CIDEC: variants seen among roughly 807,000 people sequenced by gnomAD.
CIDEC encodes the protein cell death inducing DFFA like effector c.
CIDEC carries 11 observed loss-of-function variants against 21.9 expected under a neutral mutation model. That is an observed-to-expected ratio of 0.50 (90% CI 0.32 to 0.83). CIDEC has a LOEUF of 0.83. CIDEC is among the 40% of genes least tolerant of loss of function. CIDEC has a pLI of 0.04. For missense variants in CIDEC, 302 were observed against 302.3 expected, an observed-to-expected ratio of 1.00 and a Z score of 0.01; for synonymous variants, 127 against 124.9, an observed-to-expected ratio of 1.02 and a Z score of -0.11.
At chr3:9,872,765 A>G (rs2082365987) in intron 4 of CIDEC, among the ~76,000 whole-genome samples, 1 of 152,082 alleles carries the variant, frequency 6.6e-6, no homozygotes, top group Admixed American at 6.6e-5. Flanking sequence ...AGTCAGGTGG[A>G]TCACCTGAGG....
In CIDEC at chr3:9,866,957, C is replaced by A. The variant is rs1278726177; in HGVS notation, c.*177G>T. 1.4e-6 allele frequency: 1 copy of A among 740,344 alleles called. No homozygotes were observed. Among genetic ancestry groups the A allele is most frequent in the East Asian group, 2.6e-5 (1 of 37,960 alleles). The allele number at this position is 740,344 out of a possible 1,614,324, so 45.9% of individuals were successfully genotyped here. ...GATCAGGCCAGGAGCTTGAGGTTCT[C>A]CTTTGGCCAACCCACCCCAGGTTTC... On this transcript the variant is annotated 3_prime_UTR_variant, in exon 7 of 7. Transcript: ENST00000336832.
At chr3:9,878,663 T>C in intron 2 of CIDEC, 152 bp from the exon 3 acceptor site, 2 of 1,324,934 alleles carry the variant, frequency 1.5e-6, no homozygotes, top group Non-Finnish European at 2.1e-6. Context: ...GCCCTTCTCC[T>C]GTCCGGCCCC....
chr3:9,872,861 C>T (rs1288591712), intron 4 of CIDEC, among the ~76,000 whole-genome samples: 4 of 152,016 alleles, frequency 2.6e-5, no homozygotes, highest in Non-Finnish European at 5.9e-5. Flanking sequence ...TGGTGGTGCG[C>T]GCCTGTAGTC....
chr3:9,874,554 TAA>T (rs891208640), intron 4 of CIDEC, among the ~76,000 whole-genome samples: 2 of 132,458 alleles, frequency 1.5e-5, no homozygotes, highest in Non-Finnish European at 3.3e-5. Flanking sequence ...ATAATAATAA[TAA>T]GTGAATACAG....
intron 6 of CIDEC, 33 bp from the exon 7 acceptor site, chr3:9,867,329 C>T: frequency 1.9e-6 from 3 of 1,612,760 alleles, no homozygotes; most frequent in Non-Finnish European, 2.5e-6. Context: ...CAAGTCAAAA[C>T]CACGAAGTAG....
chr3:9,873,819 T>A (rs1559250899), intron 4 of CIDEC, among the ~76,000 whole-genome samples: 1 of 152,192 alleles, frequency 6.6e-6, no homozygotes, highest in Non-Finnish European at 1.5e-5. Context: ...TACAACCACA[T>A]CATTAGTTAT....
In CIDEC at chr3:9,877,216, A is replaced by G. The variant is rs754130497; in HGVS notation, c.57T>C (p.His19=). The G allele has an allele frequency of 2.1e-5, 32 of 1,550,100 alleles. No homozygotes were observed. Among genetic ancestry groups the G allele is most frequent in the Non-Finnish European group, 2.8e-5 (32 of 1,147,038 alleles). ...SLLYPKSLSR[H]VSVRTSVVTQ... ...TCACCACAGAGGTACGCACTGACAC[A>G]TGCCTGGGGCAGTTGAAGCATCAGG... is the stretch of plus-strand genomic sequence containing the variant. The change falls in exon 4 of 7, where the codon CAT becomes CAC. Residue 19 remains histidine, a synonymous_variant. Transcript: ENST00000336832.
intron 4 of CIDEC, among the ~76,000 whole-genome samples, chr3:9,872,501 C>T (rs1389274633): frequency 6.6e-6 from 1 of 152,034 alleles, no homozygotes; most frequent in East Asian, 1.9e-4. Flanking sequence ...GTTTATTGGC[C>T]ACTGTGTTAT....
intron 3 of CIDEC, among the ~76,000 whole-genome samples, chr3:9,877,630 A>G (rs1053052625): frequency 6.6e-6 from 1 of 152,206 alleles, no homozygotes; most frequent in Non-Finnish European, 1.5e-5. Flanking sequence ...ACTGCACTCC[A>G]GCCTGGGCAA....
At chr3:9,879,478 C>CT (rs1490541618) in intron 1 of CIDEC, among the ~76,000 whole-genome samples, 1 of 152,016 alleles carries the variant, frequency 6.6e-6, no homozygotes, top group Non-Finnish European at 1.5e-5. Flanking sequence ...GGCACAGGAG[C>CT]TGTATTTTTT....
chr3:9,875,596 C>A (rs1279354529), intron 4 of CIDEC, among the ~76,000 whole-genome samples: 2 of 152,164 alleles, frequency 1.3e-5, no homozygotes, highest in Non-Finnish European at 1.5e-5. Flanking sequence ...ATTGGGACAG[C>A]TGGCAATGCT....
Position 9,877,176 on chromosome 3 carries a change from A to G in CIDEC, c.97T>C (p.Ser33Pro), listed in dbSNP as rs760803919. ...RTSVVTQQLL[S>P]EPSPKAPRAR... is the part of the protein sequence containing the mutation. ...CTGGGGGCCTTGGGGCTGGGCTCCG[A>G]CAGCAGCTGCTGGGTCACCACAGAG... The change falls in exon 4 of 7, where the codon TCG becomes CCG. Residue 33 changes from serine (S) to proline (P), a missense_variant. Transcript: ENST00000336832. 3.7e-5 allele frequency: 58 copies of G among 1,551,040 alleles called. No individual in the cohort carries two copies. The highest frequency in any genetic ancestry group is 2.6e-6 in the Non-Finnish European group (3 of 1,147,182).
At chr3:9,873,528 A>G (rs2082378808) in intron 4 of CIDEC, among the ~76,000 whole-genome samples, 1 of 152,170 alleles carries the variant, frequency 6.6e-6, no homozygotes, top group Non-Finnish European at 1.5e-5. Flanking sequence ...AGGCAGGAGA[A>G]TGGCGTGAAC....
At chr3:9,869,836 C>A (rs1480699125) in intron 6 of CIDEC, 46 bp downstream of exon 6, 2 of 1,567,420 alleles carry the variant, frequency 1.3e-6, no homozygotes, top group African/African-American at 2.7e-5. Context: ...GGGGCTCTCC[C>A]ATTGCCTGTA....
Position 9,877,138 on chromosome 3 carries a change from G to T in CIDEC, c.135C>A (p.Cys45Ter). The change falls in exon 4 of 7, where the codon TGC (cysteine) becomes TGA (stop). Residue 45 changes from cysteine to a stop codon, truncating the protein, a stop_gained. Coordinates refer to ENST00000336832, the MANE Select transcript of CIDEC (RefSeq NM_001321142.2). LOFTEE classifies it high-confidence loss of function. The stretch of plus-strand genomic sequence containing the variant: ...CGCTTCGATCCGCCGTGCTTACGCG[G>T]CAGGGCCGGGCCCTGGGGGCCTTGG... ...PSPKAPRARP[C>*]RVSTADRSVR... The T allele has an allele frequency of 6.4e-7, 1 of 1,552,070 alleles. No individual in the cohort carries two copies. The highest frequency in any genetic ancestry group is 1.4e-5 in the African/African-American group (1 of 73,270).
chr3:9,867,318 G>A (rs535895250), intron 6 of CIDEC, 22 bp from the exon 7 acceptor site: 3 of 1,613,346 alleles, frequency 1.9e-6, no homozygotes, highest in African/African-American at 1.3e-5. Flanking sequence ...GAGAGGGCAC[G>A]CAAGTCAAAA....
intron 4 of CIDEC, among the ~76,000 whole-genome samples, chr3:9,874,160 G>A (rs1358144988): frequency 6.6e-6 from 1 of 152,104 alleles, no homozygotes. Context: ...TAAATAATCT[G>A]TTGCCATTCA....
intron 1 of CIDEC, 43 bp from the exon 2 acceptor site, chr3:9,879,097 A>C: frequency 1.2e-5 from 5 of 430,846 alleles, no homozygotes; most frequent in Middle Eastern, 6.5e-4. Context: ...CTCCAATACC[A>C]TTGCTACTAG....
At chr3:9,877,370 CCTGCTA>C in intron 3 of CIDEC, 151 bp from the exon 4 acceptor site, 1 of 815,716 alleles carries the variant, frequency 1.2e-6, no homozygotes, top group Non-Finnish European at 2.0e-6. Flanking sequence ...TACTCAGAAG[CCTGCTA>C]GAAGCCAGGC....
Sources: gnomAD v4.1 joint callset for allele counts (sites outside exome capture counted in the v4.1 genomes callset) on GRCh38, gnomAD v4.1.1 for gene constraint, MANE v1.5 for transcripts, NCBI Gene and HGNC (gene_info 2026-07-23, HGNC 2026-07-21) for gene names.